The following NSUN2 variants were observed in gnomAD, a reference collection of about 807,000 sequenced individuals.
The protein encoded by NSUN2 is RNA cytosine C(5)-methyltransferase NSUN2.
Under a neutral mutation model 92.7 loss-of-function variants are expected in NSUN2, and 63 were observed. That is an observed-to-expected ratio of 0.68 (90% CI 0.56 to 0.84). The LOEUF (loss-of-function observed/expected upper bound fraction) is 0.84, where lower values mean the gene tolerates loss of function less well. Ranked by LOEUF, NSUN2 falls within the 40% of genes least tolerant of loss-of-function variation. The probability of loss-of-function intolerance (pLI) is 0.00; values close to 1 mark genes in which losing one functional copy is unlikely to be tolerated. For missense variants in NSUN2, 989 were observed against 964.9 expected, an observed-to-expected ratio of 1.02 and a Z score of -0.33; for synonymous variants, 356 against 348.3, an observed-to-expected ratio of 1.02 and a Z score of -0.25.
intron 9 of NSUN2, among the ~76,000 whole-genome samples, chr5:6,615,967 GCTA>G (rs1737191573): frequency 6.6e-6 from 1 of 152,208 alleles, no homozygotes; most frequent in Non-Finnish European, 1.5e-5. Flanking sequence ...CATTAGGATG[GCTA>G]CTAACAACAA....
intron 12 of NSUN2, among the ~76,000 whole-genome samples, chr5:6,608,047 G>T (rs1229760674): frequency 6.6e-6 from 1 of 152,176 alleles, no homozygotes. Flanking sequence ...TCCCTATGAA[G>T]TAAGTTTAAA....
In NSUN2 at chr5:6,605,260, G is replaced by A. The variant is rs1736719627; in HGVS notation, c.1737+13C>T. 1 of 1,613,826 alleles carries A rather than the reference G, an allele frequency of 6.2e-7. No individual in the cohort carries two copies. Among genetic ancestry groups the A allele is most frequent in the African/African-American group, 1.3e-5 (1 of 74,930 alleles). On this transcript the variant is annotated intron_variant, in intron 15 of 18. Coordinates refer to ENST00000264670, the MANE Select transcript of NSUN2 (RefSeq NM_017755.6). ...CCGCATCACACAGCACTCAGCGTCT[G>A]TGCGGCTGGCACCTTCATCTTCTCA...
intron 16 of NSUN2, 42 bp downstream of exon 16, chr5:6,604,563 T>A (rs1161942078): frequency 6.4e-7 from 1 of 1,555,744 alleles, no homozygotes; most frequent in Non-Finnish European, 8.9e-7. Flanking sequence ...ACTGCTTCAG[T>A]CATCTGTGGC....
chr5:6,628,726 T>C (rs1737754653), intron 3 of NSUN2, among the ~76,000 whole-genome samples: 1 of 152,144 alleles, frequency 6.6e-6, no homozygotes, highest in Non-Finnish European at 1.5e-5. Flanking sequence ...AATAAATAAA[T>C]GTTTAGAGAA....
At chr5:6,610,909 G>A (rs1340861605) in intron 11 of NSUN2, 46 bp downstream of exon 11, 3 of 1,608,936 alleles carry the variant, frequency 1.9e-6, no homozygotes, top group African/African-American at 1.3e-5. Context: ...CAGGGATGGG[G>A]CTTAACCTTC....
chr5:6,621,949 T>C, intron 6 of NSUN2, 67 bp downstream of exon 6: 2 of 1,353,542 alleles, frequency 1.5e-6, no homozygotes, highest in Non-Finnish European at 1.1e-6. Flanking sequence ...AAAGTTAGAG[T>C]CTTTTCCTTG....
At chr5:6,630,114 G>C (rs1737816128) in intron 3 of NSUN2, among the ~76,000 whole-genome samples, 1 of 152,124 alleles carries the variant, frequency 6.6e-6, no homozygotes, top group Non-Finnish European at 1.5e-5. Context: ...GTTACCAGGA[G>C]GAAGAAAAGC....
intron 3 of NSUN2, 102 bp from the exon 4 acceptor site, chr5:6,625,771 T>C (rs1383858034): frequency 5.2e-6 from 4 of 762,750 alleles, no homozygotes; most frequent in Non-Finnish European, 9.2e-6. Context: ...AGACTTCGAA[T>C]GTTGTTCTCC....
intron 4 of NSUN2, among the ~76,000 whole-genome samples, chr5:6,624,808 T>C (rs1560984055): frequency 6.6e-6 from 1 of 151,642 alleles, no homozygotes; most frequent in Non-Finnish European, 1.5e-5. Context: ...AGGTAGTAGT[T>C]TAGAAAATAG....
chr5:6,617,506 G>C (rs550203345), intron 8 of NSUN2, among the ~76,000 whole-genome samples: 1 of 152,338 alleles, frequency 6.6e-6, no homozygotes, highest in Non-Finnish European at 1.5e-5. Flanking sequence ...ATCGTGTTAT[G>C]AGATTTCTCT....
In NSUN2 at chr5:6,611,013, G is replaced by A; in HGVS notation, c.1168C>T (p.Pro390Ser). 1 of 1,614,206 alleles carries A rather than the reference G, an allele frequency of 6.2e-7. No homozygotes were observed. Among genetic ancestry groups the A allele is most frequent in the Non-Finnish European group, 8.5e-7 (1 of 1,180,046 alleles). ...GGGTCCTTCGGAGGGAACATGGTAGGTCGGATCTGGGTGTGTCTGCTGTGA... is the reference window on the plus strand; with the variant it reads ...GGGTCCTTCGGAGGGAACATGGTAGATCGGATCTGGGTGTGTCTGCTGTGA... ...VPHSRHTQIR[P>S]TMFPPKDPEK... is the part of the protein sequence containing the mutation. Residue 390 changes from proline to serine, a missense_variant, in exon 11 of 19, where the codon CCT becomes TCT. This residue lies in a region of NSUN2 where 626 missense variants were observed against 602.3 expected (regional missense o/e 1.04). Transcript: ENST00000264670.
At chr5:6,607,080 T>G in intron 13 of NSUN2, 120 bp downstream of exon 13, 1 of 1,082,284 alleles carries the variant, frequency 9.2e-7, no homozygotes. Context: ...TGCATGTGCC[T>G]GATACCACAC....
intron 9 of NSUN2, among the ~76,000 whole-genome samples, chr5:6,614,281 T>A (rs1178996906): frequency 6.6e-6 from 1 of 151,882 alleles, no homozygotes; most frequent in African/African-American, 2.4e-5. Flanking sequence ...GAAAGACCAA[T>A]GAAAATCCAC....
intron 15 of NSUN2, 50 bp from the exon 16 acceptor site, chr5:6,604,735 T>TG: frequency 6.8e-7 from 1 of 1,472,284 alleles, no homozygotes; most frequent in Non-Finnish European, 9.5e-7. Flanking sequence ...GACAGGACCA[T>TG]CTCCTGTAAG....
chr5:6,627,372 T>G (rs776107518), intron 3 of NSUN2, among the ~76,000 whole-genome samples: 10 of 152,194 alleles, frequency 6.6e-5, no homozygotes, highest in Non-Finnish European at 2.9e-5. Context: ...AACTTGTCTG[T>G]CTCAAAGCTA....
At chr5:6,611,145 C>T (rs1464350478) in intron 10 of NSUN2, 60 bp from the exon 11 acceptor site, 2 of 1,590,724 alleles carry the variant, frequency 1.3e-6, no homozygotes, top group African/African-American at 2.7e-5. Context: ...ACAAAAATCA[C>T]AGGGCAGGAG....
At chr5:6,621,478 G>A (rs1255937695) in intron 6 of NSUN2, 3 of 152,216 alleles carry the variant, frequency 2.0e-5, no homozygotes, top group African/African-American at 7.2e-5. Flanking sequence ...GCCGGGCGTG[G>A]TGGCTCACAC....
Position 6,623,358 on chromosome 5 carries a change from T to C in NSUN2, c.466-73A>G, listed in dbSNP as rs1579376273. The C allele has an allele frequency of 3.6e-6, 5 of 1,383,214 alleles. No individual in the cohort carries two copies. The East Asian group carries it at 9.4e-5, about 26-fold the overall frequency. The allele number at this position is 1,383,214 out of a possible 1,614,324, so 85.7% of individuals were successfully genotyped here. On this transcript the variant is annotated intron_variant, in intron 4 of 18. Coordinates refer to ENST00000264670, the MANE Select transcript of NSUN2 (RefSeq NM_017755.6). ...CCGCAGACAATTTCAATCTTTGGCA[T>C]TGTTTCAAAGGCAACAGGAAAACAG...
chr5:6,615,430 T>C (rs2059840), intron 9 of NSUN2, among the ~76,000 whole-genome samples: 88,800 of 151,962 alleles, frequency 0.58, 26,067 homozygotes, highest in East Asian at 0.64. Context: ...TGTAATTTCA[T>C]TACAACTAAA....
Sources: allele counts gnomAD v4.1 joint callset (sites outside exome capture counted in the v4.1 genomes callset), GRCh38; gene constraint gnomAD v4.1.1; regional missense constraint gnomAD v4.1.1; transcripts MANE v1.5; gene names NCBI Gene and HGNC (gene_info 2026-07-23, HGNC 2026-07-21).